Variants in PLEKHA2 observed in about 807,000 individuals in gnomAD.
The protein encoded by PLEKHA2 is pleckstrin homology domain containing A2, also known as pleckstrin homology domain-containing family A member 2.
Under a neutral mutation model 53.2 loss-of-function variants are expected in PLEKHA2, and 28 were observed. The observed-to-expected ratio is 0.53, with a 90% CI of 0.39 to 0.72. PLEKHA2 has a LOEUF of 0.72. PLEKHA2 is among the 30% of genes least tolerant of loss of function. The pLI is 0.00. For synonymous variants in PLEKHA2, 193 were observed against 196.4 expected (o/e 0.98, Z 0.14); for missense variants, 426 against 537.9 (o/e 0.79, Z 2.06).
intron 1 of PLEKHA2, among the ~76,000 whole-genome samples, chr8:38,906,658 A>G (rs190413258): frequency 6.6e-5 from 10 of 152,230 alleles, no homozygotes; most frequent in Admixed American, 2.0e-4. Flanking sequence ...CTATCATGAC[A>G]GTTTCAAAAT....
At chr8:38,937,342 G>T (rs1488608976) in intron 3 of PLEKHA2, among the ~76,000 whole-genome samples, 1 of 152,184 alleles carries the variant, frequency 6.6e-6, no homozygotes, top group Non-Finnish European at 1.5e-5. Flanking sequence ...GCCCAGGCCT[G>T]CCCGCCCTCC....
intron 2 of PLEKHA2, among the ~76,000 whole-genome samples, chr8:38,933,982 G>A (rs1179054377): frequency 6.6e-6 from 1 of 151,710 alleles, no homozygotes; most frequent in Admixed American, 6.6e-5. Flanking sequence ...AGATTCTTGG[G>A]TTCTGAGAAT....
chr8:38,948,957 G>A (rs1159164794), intron 5 of PLEKHA2, among the ~76,000 whole-genome samples: 1 of 152,064 alleles, frequency 6.6e-6, no homozygotes, highest in Non-Finnish European at 1.5e-5. Flanking sequence ...TGCAACCTCT[G>A]CCTTCTGGGT....
At chr8:38,969,104 T>C in intron 11 of PLEKHA2, 2 of 335,106 alleles carry the variant, frequency 6.0e-6, no homozygotes, top group Non-Finnish European at 1.1e-5. Context: ...TTTCACCATG[T>C]TGGCTAGGCT....
In PLEKHA2 at chr8:38,969,510, G is replaced by T. The variant is rs1328777559; in HGVS notation, c.1005G>T (p.Arg335=). 1 of 1,613,484 alleles carries T rather than the reference G, an allele frequency of 6.2e-7. No individual in the cohort carries two copies. The highest frequency in any genetic ancestry group is 1.1e-5 in the South Asian group (1 of 90,986). ...SGPNSILCRG[R]PPLEEKKALC... ...CCAACTCTATCCTGTGCAGGGGGCGGCCACCTTTGGAGGAAAAGAAAGCCC... is the reference window on the plus strand; with the variant it reads ...CCAACTCTATCCTGTGCAGGGGGCGTCCACCTTTGGAGGAAAAGAAAGCCC... Residue 335 remains arginine, a synonymous_variant, in exon 12 of 12, where the codon CGG becomes CGT. Transcript: ENST00000617275.
intron 6 of PLEKHA2, 128 bp downstream of exon 6, chr8:38,951,118 G>C: frequency 1.2e-6 from 1 of 808,466 alleles, no homozygotes; most frequent in Non-Finnish European, 1.8e-6. Context: ...GGTGCCAGTG[G>C]AGCCATCAGG....
At position 38,967,338 on chromosome 8, in the gene PLEKHA2, T is replaced by C. The variant is rs1327028277; in HGVS notation, c.838-1254T>C. Among the ~76,000 whole-genome samples the C allele has an allele frequency of 2.6e-5, 4 of 152,248 alleles. 1 individual carries two copies. The highest frequency in any genetic ancestry group is 5.9e-5 in the Non-Finnish European group (4 of 68,038). The stretch of plus-strand genomic sequence containing the variant: ...AGGTTTGGGGGCACATGTGAAGATA[T>C]AATGATTTCTTTTCCTTTGGAGAGA... On this transcript the variant is annotated intron_variant, in intron 10 of 11. Transcript: ENST00000617275.
intron 3 of PLEKHA2, among the ~76,000 whole-genome samples, chr8:38,938,143 C>A (rs537386233): frequency 1.3e-5 from 2 of 152,236 alleles, no homozygotes; most frequent in Admixed American, 6.5e-5. Context: ...GTCCCACCCC[C>A]AGCTGTGTCC....
At chr8:38,918,594 TCCC>T (rs1564110104) in intron 2 of PLEKHA2, among the ~76,000 whole-genome samples, 19 of 7,622 alleles carry the variant, frequency 2.5e-3, no homozygotes, top group South Asian at 5.3e-3. Context: ...TGCACACACA[TCCC>T]ATACACACAT....
chr8:38,918,635 C>CATT (rs1564110212), intron 2 of PLEKHA2, among the ~76,000 whole-genome samples: 1 of 150,516 alleles, frequency 6.6e-6, no homozygotes, highest in Non-Finnish European at 1.5e-5. Flanking sequence ...ACACCACACA[C>CATT]AGAGACACAC....
intron 3 of PLEKHA2, among the ~76,000 whole-genome samples, chr8:38,936,329 G>A (rs1834494376): frequency 2.0e-5 from 3 of 152,188 alleles, no homozygotes; most frequent in Admixed American, 6.5e-5. Flanking sequence ...GGTGTTATGT[G>A]GTGGTGGAGC....
At chr8:38,955,385 G>GT (rs1242454739) in intron 9 of PLEKHA2, among the ~76,000 whole-genome samples, 2 of 152,322 alleles carry the variant, frequency 1.3e-5, no homozygotes, top group Non-Finnish European at 2.9e-5. Flanking sequence ...AACTCAGAAA[G>GT]TAATCATAGT....
chr8:38,952,575 A>G, intron 7 of PLEKHA2, 61 bp from the exon 8 acceptor site: 1 of 1,530,508 alleles, frequency 6.5e-7, no homozygotes, highest in Non-Finnish European at 8.9e-7. Flanking sequence ...TAGCATGAGT[A>G]CACCCTCCAC....
At chr8:38,944,068 C>G (rs1564136426) in intron 4 of PLEKHA2, among the ~76,000 whole-genome samples, 1 of 146,630 alleles carries the variant, frequency 6.8e-6, no homozygotes. Context: ...TGTTTTCTTT[C>G]TTTTTTTTTT....
rs1027023816 is a variant in PLEKHA2 at position 38,972,737 on chromosome 8, G to T, written c.*2954G>T. On this transcript the variant is annotated 3_prime_UTR_variant, in exon 12 of 12. Coordinates refer to ENST00000617275, the MANE Select transcript of PLEKHA2 (RefSeq NM_021623.2). ...GGTTGGGGATGCAGTATAGATTAGTGACTAAGTGCATAGGCTCTGGAGTAA... is the reference window on the plus strand; with the variant it reads ...GGTTGGGGATGCAGTATAGATTAGTTACTAAGTGCATAGGCTCTGGAGTAA... 6.6e-6 allele frequency: 1 copy of T among 151,488 alleles called. No individual in the cohort carries two copies. The highest frequency in any genetic ancestry group is 6.6e-5 in the Admixed American group (1 of 15,196). 9.4% of individuals were successfully genotyped at this position (151,488 alleles called of 1,614,324 possible).
intron 1 of PLEKHA2, among the ~76,000 whole-genome samples, chr8:38,911,615 C>G (rs1163090135): frequency 6.6e-6 from 1 of 152,186 alleles, no homozygotes; most frequent in African/African-American, 2.4e-5. Flanking sequence ...TACCTGGGAA[C>G]TCTTGAGATA....
chr8:38,955,868 G>A (rs1360007796), intron 9 of PLEKHA2, among the ~76,000 whole-genome samples: 1 of 152,132 alleles, frequency 6.6e-6, no homozygotes, highest in African/African-American at 2.4e-5. Context: ...CCCCAGATTG[G>A]AGTGCAATCT....
Position 38,969,406 on chromosome 8 carries a change from C to CT in PLEKHA2, c.916-11dup. 1 of 1,597,922 alleles carries CT rather than the reference C, an allele frequency of 6.3e-7. No individual in the cohort carries two copies. Among genetic ancestry groups the CT allele is most frequent in the Non-Finnish European group, 8.5e-7 (1 of 1,176,174 alleles). The stretch of plus-strand genomic sequence containing the variant: ...CTAACTTTCTTTTGTCTTTTTCTTC[C>CT]TTTTATTTTTATAGGAAACGTCCTT... On this transcript the variant is annotated splice_polypyrimidine_tract_variant and intron_variant, in intron 11 of 11. Transcript: ENST00000617275.
At position 38,953,274 on chromosome 8, in the gene PLEKHA2, T is replaced by C. The variant is rs1043003992; in HGVS notation, c.703-23T>C. On this transcript the variant is annotated intron_variant, in intron 8 of 11. Transcript: ENST00000617275. ...TATGACACAGACAGCCTCACTTACC[T>C]GTCTTTCTGTTCTTTCCACCAGGAC... The C allele has an allele frequency of 3.1e-6, 5 of 1,589,484 alleles. No individual in the cohort carries two copies. The African/African-American group carries it at 6.7e-5, about 21-fold the overall frequency.
Sources: allele counts gnomAD v4.1 joint callset (sites outside exome capture counted in the v4.1 genomes callset), GRCh38; gene constraint gnomAD v4.1.1; transcripts MANE v1.5; gene names NCBI Gene and HGNC (gene_info 2026-07-23, HGNC 2026-07-21).